SAMD5: variants seen among roughly 807,000 people sequenced by gnomAD.
SAMD5 encodes sterile alpha motif domain containing 5.
SAMD5 carries 13 observed loss-of-function variants against 11.3 expected under a neutral mutation model. That is an observed-to-expected ratio of 1.15 (90% confidence interval 0.75 to 1.83). The LOEUF is 1.83. SAMD5 is among the 40% of genes most tolerant of loss of function. The probability of loss-of-function intolerance (pLI) is 0.00; values close to 1 mark genes in which losing one functional copy is unlikely to be tolerated. For synonymous variants in SAMD5, 129 were observed against 111.3 expected (o/e 1.16, Z -1.00); for missense variants, 255 against 239.1 (o/e 1.07, Z -0.44).
chr6:147,652,777 T>C (rs772170998), intron 1 of SAMD5, among the ~76,000 whole-genome samples: 14 of 152,220 alleles, frequency 9.2e-5, no homozygotes, highest in Non-Finnish European at 1.8e-4. Context: ...CTTTTTCTTA[T>C]CCCATATGAT....
chr6:147,930,920 C>G, the SAMD5 span, among the ~76,000 whole-genome samples: 1 of 152,238 alleles, frequency 6.6e-6, no homozygotes, highest in Non-Finnish European at 1.5e-5. Flanking sequence ...AGGTCTTCCT[C>G]TCTCAGTCCA....
chr6:147,850,826 G>A, the SAMD5 span, among the ~76,000 whole-genome samples: 1 of 152,010 alleles, frequency 6.6e-6, no homozygotes, highest in South Asian at 2.1e-4. Flanking sequence ...CCGAGTAGCA[G>A]ACTCGGTGAG....
Position 147,598,897 on chromosome 6 carries a change from T to C in SAMD5, c.162+89510T>C, listed in dbSNP as rs1294231006. 2.0e-5 allele frequency among the ~76,000 whole-genome samples: 3 copies of C among 152,174 alleles called. No individual in the cohort carries two copies. The South Asian group carries it at 6.2e-4, about 31-fold the overall frequency. Reference sequence around the variant, plus strand: ...GTTGAGGTTATGGATTCACTGGAACTGAATATGCACAAATTAAAAAGACAA... The same window carrying C: ...GTTGAGGTTATGGATTCACTGGAACCGAATATGCACAAATTAAAAAGACAA... On this transcript the variant is annotated intron_variant, in intron 1 of 1. Transcript: ENST00000566741.
chr6:147,892,721 C>T, the SAMD5 span, among the ~76,000 whole-genome samples: 1 of 152,176 alleles, frequency 6.6e-6, no homozygotes, highest in Non-Finnish European at 1.5e-5. Context: ...CGCCTTAATA[C>T]ACAGCAGAGG....
the SAMD5 span, among the ~76,000 whole-genome samples, chr6:147,756,446 A>G: frequency 1.3e-5 from 2 of 152,148 alleles, no homozygotes; most frequent in Admixed American, 6.5e-5. Context: ...GGAAATTTTA[A>G]AAACGTTTAA....
the SAMD5 span, among the ~76,000 whole-genome samples, chr6:147,840,833 T>G: frequency 6.6e-6 from 1 of 152,242 alleles, no homozygotes; most frequent in East Asian, 1.9e-4. Context: ...TAAGTTTTGC[T>G]TAATGCTCTG....
chr6:147,556,036 A>G (rs1278472488), intron 1 of SAMD5, among the ~76,000 whole-genome samples: 1 of 152,100 alleles, frequency 6.6e-6, no homozygotes, highest in Non-Finnish European at 1.5e-5. Flanking sequence ...GGGAGAATAT[A>G]TGTTTATTTT....
the SAMD5 span, among the ~76,000 whole-genome samples, chr6:147,939,141 C>G: frequency 1.3e-5 from 2 of 152,206 alleles, no homozygotes; most frequent in Middle Eastern, 6.3e-3. Context: ...AACTCAGAAG[C>G]AGCCAATTGG....
the SAMD5 span, among the ~76,000 whole-genome samples, chr6:147,810,458 G>A: frequency 6.6e-6 from 1 of 152,134 alleles, no homozygotes; most frequent in Non-Finnish European, 1.5e-5. Context: ...CCCCAGTGAG[G>A]CAGCACAATT....
At position 147,733,838 on chromosome 6, in the gene SAMD5, T is replaced by TA. The variant is rs1791754303; in HGVS notation, c.163-3475dup. ...TAAGCCGCTGAGATTTTTGCAGAGT[T>TA]AAAACACTTGGCCTGTCCCTGCAGC... On this transcript the variant is annotated intron_variant, in intron 1 of 1. Coordinates refer to the SAMD5 transcript ENST00000566741. 7 of 644,586 alleles carry TA rather than the reference T, an allele frequency of 1.1e-5. No individual in the cohort carries two copies. The South Asian group carries it at 4.8e-4, about 45-fold the overall frequency. The allele number at this position is 644,586 out of a possible 1,614,324, so 39.9% of individuals were successfully genotyped here.
intron 1 of SAMD5, among the ~76,000 whole-genome samples, chr6:147,559,858 A>C (rs1468395123): frequency 1.3e-5 from 2 of 152,188 alleles, no homozygotes; most frequent in Non-Finnish European, 2.9e-5. Flanking sequence ...GTATAACCTA[A>C]CATTGCATCC....
At chr6:147,650,033 A>G (rs1296892664) in intron 1 of SAMD5, among the ~76,000 whole-genome samples, 1 of 152,218 alleles carries the variant, frequency 6.6e-6, no homozygotes, top group Non-Finnish European at 1.5e-5. Context: ...GAAAGGTGCT[A>G]TTAACAATCA....
rs771602563 is a variant in SAMD5, at chr6:147,564,504, T to C, written c.*48T>C. 1 of 835,828 alleles carries C rather than the reference T, an allele frequency of 1.2e-6. No homozygotes were observed. The highest frequency in any genetic ancestry group is 2.1e-6 in the Non-Finnish European group (1 of 470,798). 51.8% of individuals were successfully genotyped at this position (835,828 alleles called of 1,614,324 possible). ...GAGGACTGATGAGGTGCCTGAAGAC[T>C]GGAAAAGGGCATATTTAGAACCTTC... is the stretch of plus-strand genomic sequence containing the variant. On this transcript the variant is annotated 3_prime_UTR_variant, in exon 2 of 2. Transcript: ENST00000367474.
At chr6:147,553,055 G>C (rs897981913) in intron 1 of SAMD5, among the ~76,000 whole-genome samples, 2 of 152,258 alleles carry the variant, frequency 1.3e-5, no homozygotes, top group Non-Finnish European at 1.5e-5. Flanking sequence ...CCATGTCTTT[G>C]TATAGAACAG....
intron 1 of SAMD5, among the ~76,000 whole-genome samples, chr6:147,629,323 T>C (rs61351258): frequency 2.4e-4 from 13 of 54,252 alleles, no homozygotes; most frequent in African/African-American, 5.2e-4. Flanking sequence ...AAAATAATAA[T>C]AAAAAAAATC....
intron 1 of SAMD5, among the ~76,000 whole-genome samples, chr6:147,698,012 C>T (rs890784807): frequency 6.6e-6 from 1 of 152,172 alleles, no homozygotes; most frequent in Non-Finnish European, 1.5e-5. Context: ...CTCAGATCAT[C>T]AGGCATTAGT....
the SAMD5 span, among the ~76,000 whole-genome samples, chr6:147,906,559 C>T: frequency 6.6e-6 from 1 of 152,200 alleles, no homozygotes. Flanking sequence ...GTGATTTATT[C>T]TTGAAGAATG....
At chr6:147,581,346 G>C (rs959714371) in intron 1 of SAMD5, among the ~76,000 whole-genome samples, 1 of 152,170 alleles carries the variant, frequency 6.6e-6, no homozygotes, top group Non-Finnish European at 1.5e-5. Context: ...CTATATGTGT[G>C]CATCTCTGGA....
intron 1 of SAMD5, among the ~76,000 whole-genome samples, chr6:147,555,086 A>G (rs1257383146): frequency 1.3e-5 from 2 of 152,160 alleles, no homozygotes; most frequent in African/African-American, 4.8e-5. Context: ...AAAAGAAGCA[A>G]TTTTTCCTTA....
Sources: allele counts gnomAD v4.1 joint callset (sites outside exome capture counted in the v4.1 genomes callset), GRCh38; gene constraint gnomAD v4.1.1; transcripts MANE v1.5; gene names NCBI Gene and HGNC (gene_info 2026-07-23, HGNC 2026-07-21).